Variants in NLRP13 observed in about 807,000 individuals in gnomAD.
The protein encoded by NLRP13 is NLR family pyrin domain containing 13, also known as NACHT, LRR and PYD domains-containing protein 13.
Under a neutral mutation model 94.4 loss-of-function variants are expected in NLRP13, and 82 were observed. The ratio of observed to expected loss-of-function variants is 0.87; its 90% CI spans 0.73 to 1.04. NLRP13 has a LOEUF of 1.04. NLRP13 is among the 50% of genes least tolerant of loss of function. The pLI, the probability that NLRP13 is intolerant of heterozygous loss-of-function variation, is 0.00. For missense variants in NLRP13, 1,426 were observed against 1,230.8 expected, an observed-to-expected ratio of 1.16 and a Z score of -2.37; for synonymous variants, 553 against 464.7, an observed-to-expected ratio of 1.19 and a Z score of -2.45.
In NLRP13 at chr19:55,896,135, A is replaced by T; in HGVS notation, c.2958-16T>A. ...TTTCGCCAACCTAGGGGCGGGTGGG[A>T]AGAAAGCACAACAGATAGTCCTCTG... is the stretch of plus-strand genomic sequence containing the variant. On this transcript the variant is annotated splice_polypyrimidine_tract_variant and intron_variant, in intron 10 of 10. Transcript: ENST00000342929. 1 of 1,613,288 alleles carries T rather than the reference A, an allele frequency of 6.2e-7. No homozygotes were observed. Among genetic ancestry groups the T allele is most frequent in the Non-Finnish European group, 8.5e-7 (1 of 1,179,584 alleles).
chr19:55,927,123 CA>C (rs1986983756), intron 1 of NLRP13, among the ~76,000 whole-genome samples: 1 of 152,086 alleles, frequency 6.6e-6, no homozygotes, highest in Non-Finnish European at 1.5e-5. Context: ...GTACTCCTAG[CA>C]CTTTGGGAGG....
intron 4 of NLRP13, among the ~76,000 whole-genome samples, chr19:55,920,092 T>A (rs868136155): frequency 8.8e-4 from 134 of 152,260 alleles, no homozygotes; most frequent in African/African-American, 2.7e-3. Context: ...GGGCACTCTA[T>A]TCAATAAACG....
At chr19:55,914,714 G>T (rs534713891) in intron 4 of NLRP13, among the ~76,000 whole-genome samples, 1 of 152,260 alleles carries the variant, frequency 6.6e-6, no homozygotes, top group South Asian at 2.1e-4. Context: ...GATAGAATTT[G>T]TGTTGTCACA....
Position 55,902,096 on chromosome 19 carries a change from C to T in NLRP13, c.2728G>A (p.Glu910Lys), listed in dbSNP as rs202242724. Residue 910 changes from glutamate to lysine, a missense_variant, in exon 9 of 11, where the codon GAG (glutamate) becomes AAG (lysine). Glu to Lys is a moderately conservative substitution (Grantham distance 56). Transcript: ENST00000342929. The part of the protein sequence containing the change: ...LNLSKNSLRD[E>K]GVKFLCEALG... ...GCCTCACACAGGAACTTGACTCCCT[C>T]GTCTCTCAGGCTGTTCTTGCTCAGA... The T allele has an allele frequency of 1.1e-5, 18 of 1,614,160 alleles. No individual in the cohort carries two copies. Among genetic ancestry groups the T allele is most frequent in the East Asian group, 4.5e-5 (2 of 44,876 alleles).
chr19:55,926,513 G>T (rs529076547), intron 1 of NLRP13, among the ~76,000 whole-genome samples: 1 of 152,140 alleles, frequency 6.6e-6, no homozygotes, highest in Non-Finnish European at 1.5e-5. Flanking sequence ...TGCCAGAGGA[G>T]CATGTTTTAG....
At chr19:55,899,478 C>A (rs922597416) in intron 9 of NLRP13, among the ~76,000 whole-genome samples, 1 of 151,328 alleles carries the variant, frequency 6.6e-6, no homozygotes, top group African/African-American at 2.4e-5. Context: ...TTAAACCCAC[C>A]CCCCCCATCC....
chr19:55,929,475 G>A (rs1987052934), intron 1 of NLRP13, among the ~76,000 whole-genome samples: 1 of 152,180 alleles, frequency 6.6e-6, no homozygotes. Flanking sequence ...GTCCTTCGCA[G>A]GGACATAGAT....
chr19:55,910,309 A>G (rs941858378), intron 6 of NLRP13, among the ~76,000 whole-genome samples: 1 of 152,244 alleles, frequency 6.6e-6, no homozygotes, highest in African/African-American at 2.4e-5. Context: ...AGCTCAAAAC[A>G]GGACTGAGGC....
At position 55,910,742 on chromosome 19, in the gene NLRP13, G is replaced by C. The variant is rs772623952; in HGVS notation, c.2112-9C>G. 7 of 1,596,820 alleles carry C rather than the reference G, an allele frequency of 4.4e-6. No homozygotes were observed. Among genetic ancestry groups the C allele is most frequent in the Non-Finnish European group, 6.0e-6 (7 of 1,167,060 alleles). On this transcript the variant is annotated splice_polypyrimidine_tract_variant and intron_variant, in intron 5 of 10. Transcript: ENST00000342929. ...AATCAAACTTGCTTGTCCTTCATGAGGGAGAGACAGAACACGGATAAGAGC... is the reference window on the plus strand; with the variant it reads ...AATCAAACTTGCTTGTCCTTCATGACGGAGAGACAGAACACGGATAAGAGC...
chr19:55,900,683 G>A (rs557713985), intron 9 of NLRP13, among the ~76,000 whole-genome samples: 2 of 151,036 alleles, frequency 1.3e-5, no homozygotes, highest in African/African-American at 4.8e-5. Flanking sequence ...GGCTGAGACA[G>A]GAGAATGACG....
At chr19:55,923,359 A>T (rs1158924845) in intron 4 of NLRP13, among the ~76,000 whole-genome samples, 1 of 152,170 alleles carries the variant, frequency 6.6e-6, no homozygotes. Flanking sequence ...AGCTTTGGGG[A>T]AGAATGAGCT....
At chr19:55,922,988 C>G (rs763819151) in intron 4 of NLRP13, among the ~76,000 whole-genome samples, 69 of 152,200 alleles carry the variant, frequency 4.5e-4, no homozygotes, top group Non-Finnish European at 9.4e-4. Flanking sequence ...CTTTGCATTA[C>G]AAGCTCTATG....
chr19:55,924,464 G>T, intron 3 of NLRP13, 126 bp downstream of exon 3: 1 of 691,884 alleles, frequency 1.4e-6, no homozygotes, highest in Admixed American at 2.5e-5. Context: ...GAACTAGATG[G>T]AAAGAGTTTT....
rs187422012 is a variant in NLRP13, at chr19:55,924,457, C to A, written c.457+133G>T. On this transcript the variant is annotated intron_variant, in intron 3 of 10. Coordinates refer to ENST00000342929, the MANE Select transcript of NLRP13 (RefSeq NM_176810.2). Reference sequence around the variant, plus strand: ...TATTTAATAAGAAATACTGGAAGAACTAGATGGAAAGAGTTTTTAATTTTT... The same window carrying A: ...TATTTAATAAGAAATACTGGAAGAAATAGATGGAAAGAGTTTTTAATTTTT... 6.9e-4 allele frequency: 463 copies of A among 666,928 alleles called. 7 individuals carry two copies. The East Asian group carries it at 0.012, about 17-fold the overall frequency. 41.3% of individuals were successfully genotyped at this position (666,928 alleles called of 1,614,324 possible).
At chr19:55,902,275 C>T in intron 8 of NLRP13, 70 bp from the exon 9 acceptor site, 1 of 1,303,254 alleles carries the variant, frequency 7.7e-7, no homozygotes, top group Non-Finnish European at 1.0e-6. Context: ...GGAACAGAGC[C>T]TCAGGGCCCC....
At chr19:55,908,353 T>G (rs778508957) in intron 6 of NLRP13, among the ~76,000 whole-genome samples, 2 of 152,180 alleles carry the variant, frequency 1.3e-5, no homozygotes, top group Non-Finnish European at 2.9e-5. Context: ...TCTTGAGAAC[T>G]AAGTACGACC....
At position 55,931,722 on chromosome 19, in the gene NLRP13, A is replaced by AGAAAGAAAGAAGG. The variant is rs1468023647; in HGVS notation, c.319+270_319+271insCCTTCTTTCTTTC. Among the ~76,000 whole-genome samples, 186 of 107,210 alleles carry AGAAAGAAAGAAGG rather than the reference A, an allele frequency of 1.7e-3. 6 individuals are homozygous for AGAAAGAAAGAAGG. Among genetic ancestry groups the AGAAAGAAAGAAGG allele is most frequent in the Middle Eastern group, 4.5e-3 (1 of 222 alleles). 70.3% of individuals were successfully genotyped at this position (107,210 alleles called of 152,430 possible). A position where few individuals can be genotyped will look rare whatever the true frequency, so the allele number is the denominator to read the frequency against. ...GAGACTCAGGCTCAAAAAAAAAAAA[A>AGAAAGAAAGAAGG]AAAGAAAGAAAGAAAGAAAGAAAAA... On this transcript the variant is annotated intron_variant, in intron 1 of 10. Transcript: ENST00000342929.
intron 4 of NLRP13, among the ~76,000 whole-genome samples, chr19:55,915,788 A>G (rs1194028970): frequency 6.6e-6 from 1 of 151,712 alleles, no homozygotes; most frequent in African/African-American, 2.4e-5. Context: ...CCACCCCTCC[A>G]TGGCTGATCA....
chr19:55,899,773 C>G (rs1986115260), intron 9 of NLRP13, among the ~76,000 whole-genome samples: 1 of 152,076 alleles, frequency 6.6e-6, no homozygotes, highest in Admixed American at 6.6e-5. Context: ...GAGCAAGAGT[C>G]TGTTTAAAAA....
Sources: gnomAD v4.1 joint callset for allele counts (sites outside exome capture counted in the v4.1 genomes callset) on GRCh38, gnomAD v4.1.1 for gene constraint, MANE v1.5 for transcripts, NCBI Gene and HGNC (gene_info 2026-07-23, HGNC 2026-07-21) for gene names.